The following CCDC171 variants were observed in gnomAD, a reference collection of about 807,000 sequenced individuals.
CCDC171 encodes coiled-coil domain containing 171.
A neutral mutation model predicts 168.2 loss-of-function variants in CCDC171; 177 were observed. The observed-to-expected ratio is 1.05, with a 90% CI of 0.93 to 1.19. The LOEUF (loss-of-function observed/expected upper bound fraction) is 1.19, where lower values mean the gene tolerates loss of function less well. Ranked by LOEUF, CCDC171 falls within the 50% of genes most tolerant of loss-of-function variation. The pLI, the probability that CCDC171 is intolerant of heterozygous loss-of-function variation, is 0.00. For missense variants in CCDC171, 1,991 were observed against 1,539.0 expected (o/e 1.29, Z -4.91); for synonymous variants, 687 against 540.8 (o/e 1.27, Z -3.75).
chr9:15,777,795 A>T lies in CCDC171; in HGVS notation c.2867A>T (p.Lys956Ile). 1 of 1,611,662 alleles carries T rather than the reference A, an allele frequency of 6.2e-7. No individual in the cohort carries two copies. The highest frequency in any genetic ancestry group is 8.5e-7 in the Non-Finnish European group (1 of 1,179,462). ...CATAAAGTAAACACACTGGCCCTGA[A>T]ATATGGTTTGCGTGGCCATGTGCCC... ...GLHKVNTLAL[K>I]YGLRGHVPIT... The change falls in exon 19 of 26, where the codon AAA (lysine) becomes ATA (isoleucine). Residue 956 changes from lysine to isoleucine, a missense_variant. Coordinates refer to ENST00000380701, the MANE Select transcript of CCDC171 (RefSeq NM_173550.4).
At chr9:15,911,934 C>T (rs200377908) in intron 24 of CCDC171, among the ~76,000 whole-genome samples, 17 of 151,966 alleles carry the variant, frequency 1.1e-4, no homozygotes, top group Admixed American at 2.6e-4. Flanking sequence ...AGTACCATGC[C>T]GTTTTGGTTA....
At chr9:15,897,943 A>C (rs991766023) in intron 24 of CCDC171, among the ~76,000 whole-genome samples, 1 of 152,168 alleles carries the variant, frequency 6.6e-6, no homozygotes, top group Admixed American at 6.6e-5. Flanking sequence ...TAACTGGGTG[A>C]CACTGGACAA....
chr9:15,804,143 G>C (rs1381816679), intron 21 of CCDC171, among the ~76,000 whole-genome samples: 2 of 152,114 alleles, frequency 1.3e-5, no homozygotes, highest in East Asian at 3.9e-4. Flanking sequence ...GTGATGATGG[G>C]GTTTTCTAGG....
intron 2 of CCDC171, among the ~76,000 whole-genome samples, chr9:15,566,522 G>A (rs1354796486): frequency 6.6e-6 from 1 of 152,200 alleles, no homozygotes; most frequent in East Asian, 1.9e-4. Context: ...TCATGCCACT[G>A]TACTTGAGCC....
chr9:15,926,822 A>G (rs1825948189), intron 25 of CCDC171, among the ~76,000 whole-genome samples: 2 of 151,676 alleles, frequency 1.3e-5, no homozygotes, highest in African/African-American at 4.8e-5. Flanking sequence ...TAGCTAAGCT[A>G]TACTATAATT....
intron 18 of CCDC171, among the ~76,000 whole-genome samples, chr9:15,772,430 A>G (rs1268859118): frequency 6.6e-6 from 1 of 152,044 alleles, no homozygotes; most frequent in Non-Finnish European, 1.5e-5. Context: ...ACATCTTACT[A>G]TAGTGTTTGC....
intron 21 of CCDC171, among the ~76,000 whole-genome samples, chr9:15,786,926 C>T (rs550121800): frequency 6.6e-6 from 1 of 152,214 alleles, no homozygotes; most frequent in Admixed American, 6.5e-5. Flanking sequence ...TCCTACAAAG[C>T]TGCCCCTCTC....
chr9:15,591,090 C>G lies in CCDC171; in HGVS notation c.353-276C>G, dbSNP rs1228471504. Among the ~76,000 whole-genome samples, 3 of 151,964 alleles carry G rather than the reference C, an allele frequency of 2.0e-5. No homozygotes were observed. The East Asian group carries it at 5.8e-4, about 29-fold the overall frequency. ...AGAAGTGCACCTAAACTTGGATATG[C>G]CTTCAGAAATATGTCACACTGTTTC... On this transcript the variant is annotated intron_variant, in intron 4 of 25. Coordinates refer to ENST00000380701, the MANE Select transcript of CCDC171 (RefSeq NM_173550.4).
At chr9:16,046,135 G>C (rs1833655541) in intron 1 of CCDC171, among the ~76,000 whole-genome samples, 1 of 152,138 alleles carries the variant, frequency 6.6e-6, no homozygotes, top group African/African-American at 2.4e-5. Context: ...CTAATAAAGG[G>C]CATGGATTTT....
At chr9:16,005,566 T>G (rs1035581093) in intron 3 of CCDC171, among the ~76,000 whole-genome samples, 1 of 152,156 alleles carries the variant, frequency 6.6e-6, no homozygotes, top group Non-Finnish European at 1.5e-5. Context: ...GATCACAGAT[T>G]GAAGATATTC....
At chr9:15,585,142 T>C (rs760654990) in intron 4 of CCDC171, among the ~76,000 whole-genome samples, 6 of 152,192 alleles carry the variant, frequency 3.9e-5, no homozygotes, top group African/African-American at 1.4e-4. Flanking sequence ...TTTTTGTTAA[T>C]GGGAGTGTAA....
At chr9:15,855,742 T>C (rs2061325849) in intron 23 of CCDC171, among the ~76,000 whole-genome samples, 1 of 151,884 alleles carries the variant, frequency 6.6e-6, no homozygotes, top group Middle Eastern at 3.2e-3. Flanking sequence ...GTGATTATAA[T>C]TAACATCTTA....
chr9:15,718,343 A>T (rs1288193170), intron 11 of CCDC171, among the ~76,000 whole-genome samples: 1 of 152,182 alleles, frequency 6.6e-6, no homozygotes, highest in Admixed American at 6.5e-5. Flanking sequence ...AAGGTTTCCA[A>T]CACCAGGCCT....
At chr9:15,554,042 T>C (rs2038569970) in intron 1 of CCDC171, among the ~76,000 whole-genome samples, 3 of 147,148 alleles carry the variant, frequency 2.0e-5, no homozygotes, top group Admixed American at 6.9e-5. Context: ...TTTTTTGAGA[T>C]GGAGTCTTGC....
intron 24 of CCDC171, among the ~76,000 whole-genome samples, chr9:15,913,567 T>A (rs1169265230): frequency 6.6e-6 from 1 of 151,960 alleles, no homozygotes; most frequent in African/African-American, 2.4e-5. Context: ...TTGTCTTAGC[T>A]TCCTTGTGTT....
intron 9 of CCDC171, among the ~76,000 whole-genome samples, chr9:15,668,653 C>T (rs1011601499): frequency 6.6e-6 from 1 of 151,980 alleles, no homozygotes; most frequent in Non-Finnish European, 1.5e-5. Flanking sequence ...CTTCCTTTTC[C>T]GTGTATGTGA....
chr9:15,691,369 T>C (rs1331283529), intron 10 of CCDC171, among the ~76,000 whole-genome samples: 1 of 151,332 alleles, frequency 6.6e-6, no homozygotes, highest in Non-Finnish European at 1.5e-5. Context: ...TAAAAAATTA[T>C]AGATAGATAT....
intron 25 of CCDC171, among the ~76,000 whole-genome samples, chr9:15,927,694 G>T (rs1385300797): frequency 1.3e-5 from 2 of 151,548 alleles, no homozygotes; most frequent in African/African-American, 4.8e-5. Context: ...TAATAAAAGT[G>T]AATTGTTTAG....
intron 18 of CCDC171, among the ~76,000 whole-genome samples, chr9:15,775,439 C>G (rs913381482): frequency 1.3e-5 from 2 of 152,172 alleles, no homozygotes; most frequent in African/African-American, 4.8e-5. Context: ...CTGCCTCAGC[C>G]TCCTGAGTAG....
Sources: gnomAD v4.1 joint callset for allele counts (sites outside exome capture counted in the v4.1 genomes callset) on GRCh38, gnomAD v4.1.1 for gene constraint, MANE v1.5 for transcripts, NCBI Gene and HGNC (gene_info 2026-07-23, HGNC 2026-07-21) for gene names.